The following SEPTIN7 variants were observed in gnomAD, a reference collection of about 807,000 sequenced individuals.
The protein encoded by SEPTIN7 is septin-7.
In SEPTIN7, 10 loss-of-function variants were observed where a neutral mutation model predicts 63.3. The ratio of observed to expected loss-of-function variants is 0.16; its 90% CI spans 0.10 to 0.27. SEPTIN7 has a LOEUF of 0.27. Among genes scored for constraint, SEPTIN7 ranks in the 10% least tolerant of loss-of-function variants. The probability of loss-of-function intolerance (pLI) is 1.00; values close to 1 mark genes in which losing one functional copy is unlikely to be tolerated. For missense variants in SEPTIN7, 310 were observed against 521.0 expected (o/e 0.59, Z 3.94); for synonymous variants, 131 against 165.3 (o/e 0.79, Z 1.59).
At chr7:35,840,253 C>T (rs1390604908) in intron 3 of SEPTIN7, among the ~76,000 whole-genome samples, 4 of 124,492 alleles carry the variant, frequency 3.2e-5, no homozygotes, top group African/African-American at 1.2e-4. Flanking sequence ...TCCCCTTCCC[C>T]TTCCCTTTTC....
the SEPTIN7 span, among the ~76,000 whole-genome samples, chr7:35,912,281 A>T: frequency 6.6e-6 from 1 of 152,216 alleles, no homozygotes; most frequent in Non-Finnish European, 1.5e-5. Context: ...TGCCCAGGGC[A>T]GAAAACCACT....
intron 3 of SEPTIN7, among the ~76,000 whole-genome samples, chr7:35,835,384 G>A (rs1273118383): frequency 6.6e-6 from 1 of 152,122 alleles, no homozygotes; most frequent in Non-Finnish European, 1.5e-5. Context: ...TACTTTATGG[G>A]CATTATCTGC....
chr7:35,915,600 G>C, the SEPTIN7 span, among the ~76,000 whole-genome samples: 1 of 152,138 alleles, frequency 6.6e-6, no homozygotes, highest in East Asian at 1.9e-4. Flanking sequence ...TGGTTCCACT[G>C]TCATCTAGCT....
rs1428686324 is a variant in SEPTIN7, at chr7:35,898,409, T to A, written c.1134+26T>A. 5.6e-6 allele frequency: 8 copies of A among 1,433,934 alleles called. No homozygotes were observed. In the South Asian group the frequency reaches 9.3e-5, roughly 17 times the overall value. 88.8% of individuals were successfully genotyped at this position (1,433,934 alleles called of 1,614,324 possible). ...GTAATCAGTCTAATATCCCATCTCT[T>A]AGCAGACATTGTGTTCCTTTTTAAG... On this transcript the variant is annotated intron_variant, in intron 12 of 13. Transcript: ENST00000350320.
intron 1 of SEPTIN7, chr7:35,812,097 C>A: frequency 4.7e-6 from 1 of 213,294 alleles, no homozygotes; most frequent in Non-Finnish European, 9.9e-6. Context: ...TCTGCACTGC[C>A]TGGTGACAGA....
In SEPTIN7 at chr7:35,888,823, CAAAAAA is replaced by C. The variant is rs70974780; in HGVS notation, c.873-1828_873-1823del. On this transcript the variant is annotated intron_variant, in intron 10 of 13. Coordinates refer to ENST00000350320, the MANE Select transcript of SEPTIN7 (RefSeq NM_001788.6). ...TGGGCAACAGAGCGAGACCCTGTATCAAAAAAAAAAAAAAAAAAAAAACGGAAAAGA... is the reference window on the plus strand; with the variant it reads ...TGGGCAACAGAGCGAGACCCTGTATCAAAAAAAAAAAAAAAACGGAAAAGA... The C allele has an allele frequency of 1.9e-3, 363 of 187,612 alleles. 2 individuals carry two copies. The highest frequency in any genetic ancestry group is 2.7e-3 in the East Asian group (18 of 6,672). The allele number at this position is 187,612 out of a possible 1,614,324, so 11.6% of individuals were successfully genotyped here. A position where few individuals can be genotyped will look rare whatever the true frequency, so the allele number is the denominator to read the frequency against.
In SEPTIN7 at chr7:35,832,787, G is replaced by C. The variant is rs752820051; in HGVS notation, c.67-11G>C. ...ATACATGAATAACTTGGCCCTTTTTGCTTTTGTCAGCAACAGAAGAACCTT... is the reference window on the plus strand; with the variant it reads ...ATACATGAATAACTTGGCCCTTTTTCCTTTTGTCAGCAACAGAAGAACCTT... On this transcript the variant is annotated splice_polypyrimidine_tract_variant and intron_variant, in intron 2 of 13. Transcript: ENST00000350320. 6.6e-7 allele frequency: 1 copy of C among 1,519,988 alleles called. No individual in the cohort carries two copies. The highest frequency in any genetic ancestry group is 9.1e-7 in the Non-Finnish European group (1 of 1,096,958). The allele number at this position is 1,519,988 out of a possible 1,614,324, so 94.2% of individuals were successfully genotyped here. A position where few individuals can be genotyped will look rare whatever the true frequency, so the allele number is the denominator to read the frequency against.
At chr7:35,893,874 A>G (rs1342012597) in intron 11 of SEPTIN7, among the ~76,000 whole-genome samples, 1 of 152,188 alleles carries the variant, frequency 6.6e-6, no homozygotes, top group Non-Finnish European at 1.5e-5. Flanking sequence ...TCAAGGTTAG[A>G]TCTGGAGAAG....
At chr7:35,879,762 G>T (rs1315010422) in intron 6 of SEPTIN7, 61 bp from the exon 7 acceptor site, 1 of 886,300 alleles carries the variant, frequency 1.1e-6, no homozygotes, top group Non-Finnish European at 1.8e-6. Context: ...CATTGGGGAT[G>T]TGAAGAATCT....
Position 35,883,878 on chromosome 7 carries a change from C to T in SEPTIN7, c.724-13C>T, listed in dbSNP as rs764643955. 4 of 1,509,600 alleles carry T rather than the reference C, an allele frequency of 2.6e-6. No homozygotes were observed. The South Asian group carries it at 3.4e-5, about 13-fold the overall frequency. The allele number at this position is 1,509,600 out of a possible 1,614,324, so 93.5% of individuals were successfully genotyped here. On this transcript the variant is annotated splice_polypyrimidine_tract_variant and intron_variant, in intron 8 of 13. Coordinates refer to ENST00000350320, the MANE Select transcript of SEPTIN7 (RefSeq NM_001788.6). The stretch of plus-strand genomic sequence containing the variant: ...ACAGAGATGTATTTGAACAAGAATA[C>T]TTTGTTTTATAGGACCGTTTACCTC...
At chr7:35,882,327 G>A (rs1786934866) in intron 7 of SEPTIN7, among the ~76,000 whole-genome samples, 157 bp from the exon 8 acceptor site, 1 of 150,496 alleles carries the variant, frequency 6.6e-6, no homozygotes, top group African/African-American at 2.4e-5. Flanking sequence ...GACTAGCGTA[G>A]TACTTTAATT....
At position 35,857,144 on chromosome 7, in the gene SEPTIN7, T is replaced by G. The variant is rs146828156; in HGVS notation, c.170-6408T>G. 8.5e-3 allele frequency among the ~76,000 whole-genome samples: 1,295 copies of G among 152,306 alleles called. 9 individuals are homozygous for G. The highest frequency in any genetic ancestry group is 0.013 in the Non-Finnish European group (862 of 68,022). ...TCTTAGAATTGAGGAAATTGAACAC[T>G]TATCAATCTGTTAAGAAAGATTTGC... On this transcript the variant is annotated intron_variant, in intron 3 of 13. Transcript: ENST00000350320.
intron 3 of SEPTIN7, among the ~76,000 whole-genome samples, chr7:35,855,374 T>C (rs1241304036): frequency 2.0e-5 from 3 of 152,224 alleles, no homozygotes; most frequent in Non-Finnish European, 4.4e-5. Context: ...CACATATAAA[T>C]GCTTCTGTAA....
intron 1 of SEPTIN7, among the ~76,000 whole-genome samples, chr7:35,812,722 A>T (rs978971283): frequency 1.3e-5 from 2 of 152,180 alleles, no homozygotes; most frequent in African/African-American, 2.4e-5. Flanking sequence ...CATTGTTCTT[A>T]TGGCTTCCAG....
chr7:35,891,570 A>G (rs1787646539), intron 11 of SEPTIN7, among the ~76,000 whole-genome samples: 1 of 152,158 alleles, frequency 6.6e-6, no homozygotes, highest in African/African-American at 2.4e-5. Context: ...TAAAAATGGT[A>G]TATCTGTATA....
chr7:35,880,223 C>CTTTTTTTTTTTTTT, intron 7 of SEPTIN7, among the ~76,000 whole-genome samples: 714 of 72,784 alleles, frequency 9.8e-3, no homozygotes, highest in Non-Finnish European at 0.011. Context: ...TTTTTCTTTT[C>CTTTTTTTTTTTTTT]TTTTTTTTTT....
intron 1 of SEPTIN7, among the ~76,000 whole-genome samples, chr7:35,820,142 C>T (rs1200550570): frequency 2.0e-5 from 3 of 152,178 alleles, no homozygotes; most frequent in Middle Eastern, 3.4e-3. Context: ...GTCAGCTATT[C>T]TTATTTACAG....
intron 4 of SEPTIN7, among the ~76,000 whole-genome samples, chr7:35,871,791 G>A (rs944334324): frequency 6.6e-6 from 1 of 152,136 alleles, no homozygotes; most frequent in Non-Finnish European, 1.5e-5. Context: ...TCAGGAGAAA[G>A]CCTGTCTTTT....
intron 4 of SEPTIN7, among the ~76,000 whole-genome samples, chr7:35,865,337 C>T (rs1384489161): frequency 6.6e-6 from 1 of 152,182 alleles, no homozygotes; most frequent in Non-Finnish European, 1.5e-5. Context: ...CAAAGATACA[C>T]ACCTTAACTG....
Sources: allele counts gnomAD v4.1 joint callset (sites outside exome capture counted in the v4.1 genomes callset), GRCh38; gene constraint gnomAD v4.1.1; transcripts MANE v1.5; gene names NCBI Gene and HGNC (gene_info 2026-07-23, HGNC 2026-07-21).